Variants in KCNA2 observed in about 807,000 individuals in gnomAD.
The protein encoded by KCNA2 is potassium channel, voltage gated shaker related subfamily A, member 2.
KCNA2 carries 11 observed loss-of-function variants against 33.4 expected under a neutral mutation model. The ratio of observed to expected loss-of-function variants is 0.33; its 90% CI spans 0.21 to 0.55. The LOEUF (loss-of-function observed/expected upper bound fraction) is 0.55. Among genes scored for constraint, KCNA2 ranks in the 20% least tolerant of loss-of-function variants. KCNA2 has a pLI of 0.93. For synonymous variants in KCNA2, 222 were observed against 231.3 expected (o/e 0.96, Z 0.37); for missense variants, 291 against 621.6 (o/e 0.47, Z 5.66).
At chr1:110,615,069 T>C (rs1232607422) in intron 1 of KCNA2, among the ~76,000 whole-genome samples, 2 of 152,328 alleles carry the variant, frequency 1.3e-5, no homozygotes, top group East Asian at 3.9e-4. Context: ...ACACAGGGAA[T>C]CTTTGACTCT....
At position 110,602,080 on chromosome 1, in the gene KCNA2, C is replaced by T. The variant is rs958979840; in HGVS notation, c.*1203G>A. The T allele has an allele frequency of 9.7e-6, 15 of 1,550,502 alleles. No homozygotes were observed. Among genetic ancestry groups the T allele is most frequent in the Middle Eastern group, 1.7e-4 (1 of 5,988 alleles). On this transcript the variant is annotated 3_prime_UTR_variant, in exon 3 of 3. Transcript: ENST00000316361. ...CTGGTCCACTGTACAGTCATGCCCGCGACTAGGTTAATTCCTAAGGTGCAG... is the reference window on the plus strand; with the variant it reads ...CTGGTCCACTGTACAGTCATGCCCGTGACTAGGTTAATTCCTAAGGTGCAG...
chr1:110,603,894 G>T lies in KCNA2; in HGVS notation c.889C>A (p.Arg297=). ...AMSLAILRVI[R]LVRVFRIFKL... ...AAAATCCTAAAGACTCTTACCAACC[G>T]GATGACACGGAGGATGGCCAGTGAC... Residue 297 remains arginine, a synonymous_variant, in exon 3 of 3, where the codon CGG becomes AGG. Coordinates refer to ENST00000316361, the MANE Select transcript of KCNA2 (RefSeq NM_004974.4). The surrounding 1 kb of genome is among the most constrained non-coding windows in gnomAD (Gnocchi z 5.7). The T allele has an allele frequency of 1.2e-6, 2 of 1,614,200 alleles. No individual in the cohort carries two copies. The highest frequency in any genetic ancestry group is 1.7e-6 in the Non-Finnish European group (2 of 1,180,046).
intron 1 of KCNA2, among the ~76,000 whole-genome samples, chr1:110,631,034 G>A (rs1650544427): frequency 6.6e-6 from 1 of 152,188 alleles, no homozygotes; most frequent in African/African-American, 2.4e-5. Context: ...CTGTTTGGGA[G>A]TTACACTTAA....
Position 110,602,529 on chromosome 1 carries a change from C to A in KCNA2, c.*754G>T. The A allele has an allele frequency of 9.3e-7, 1 of 1,080,172 alleles. No homozygotes were observed. The highest frequency in any genetic ancestry group is 1.1e-6 in the Non-Finnish European group (1 of 890,144). The allele number at this position is 1,080,172 out of a possible 1,614,324, so 66.9% of individuals were successfully genotyped here. ...CAGACATGTTTTTGTGACCCTGGAG[C>A]CTGCAAAAATGGTGAAATCAGAGGC... On this transcript the variant is annotated 3_prime_UTR_variant, in exon 3 of 3. Transcript: ENST00000316361.
chr1:110,616,925 C>T (rs1177437272), intron 1 of KCNA2, among the ~76,000 whole-genome samples: 1 of 152,206 alleles, frequency 6.6e-6, no homozygotes, highest in Non-Finnish European at 1.5e-5. Flanking sequence ...AATGAATTGG[C>T]TTAAATTGAA....
At chr1:110,627,073 T>TCA (rs1238833583) in intron 1 of KCNA2, among the ~76,000 whole-genome samples, 5 of 152,184 alleles carry the variant, frequency 3.3e-5, no homozygotes, top group Admixed American at 1.3e-4. Flanking sequence ...TGTCTCTGTT[T>TCA]CACACACACA....
chr1:110,609,238 A>G (rs971872137), upstream of KCNA2, among the ~76,000 whole-genome samples: 1 of 152,222 alleles, frequency 6.6e-6, no homozygotes, highest in Non-Finnish European at 1.5e-5. Context: ...CCATCTGATC[A>G]TATGTATACA....
intron 1 of KCNA2, among the ~76,000 whole-genome samples, chr1:110,617,591 A>G (rs918324134): frequency 6.6e-6 from 1 of 152,204 alleles, no homozygotes; most frequent in African/African-American, 2.4e-5. Context: ...TTCCCCTCAG[A>G]GATGTCAAGG....
At position 110,603,273 on chromosome 1, in the gene KCNA2, T is replaced by C. The variant is rs375690274; in HGVS notation, c.*10A>G. On this transcript the variant is annotated 3_prime_UTR_variant, in exon 3 of 3. Transcript: ENST00000316361. This position sits in a 1 kb window ranked among gnomAD's most constrained non-coding sequence, Gnocchi z 5.7. ...TTCCATTGAGCTGTGAGTACGGTAA[T>C]AGGTTTCAATCAGACATCAGTTAAC... The C allele has an allele frequency of 3.8e-5, 61 of 1,591,320 alleles. No individual in the cohort carries two copies. In the Middle Eastern group the frequency reaches 8.4e-4, roughly 22 times the overall value.
At position 110,602,522 on chromosome 1, in the gene KCNA2, C is replaced by A. The variant is rs1649404747; in HGVS notation, c.*761G>T. ...AAGAAACCAGACATGTTTTTGTGAC[C>A]CTGGAGCCTGCAAAAATGGTGAAAT... On this transcript the variant is annotated 3_prime_UTR_variant, in exon 3 of 3. Transcript: ENST00000316361. 1 of 1,090,364 alleles carries A rather than the reference C, an allele frequency of 9.2e-7. No homozygotes were observed. The highest frequency in any genetic ancestry group is 1.1e-6 in the Non-Finnish European group (1 of 896,586). The allele number at this position is 1,090,364 out of a possible 1,614,324, so 67.5% of individuals were successfully genotyped here. A position where few individuals can be genotyped will look rare whatever the true frequency, so the allele number is the denominator to read the frequency against.
chr1:110,629,103 G>C (rs1244003762), intron 1 of KCNA2, among the ~76,000 whole-genome samples: 1 of 152,146 alleles, frequency 6.6e-6, no homozygotes, highest in African/African-American at 2.4e-5. Context: ...CTGCATATTA[G>C]AATTGCCTGG....
At position 110,595,693 on chromosome 1, in the gene KCNA2, G is replaced by A. The variant is rs1284049006; in HGVS notation, c.*7590C>T. 3.0e-6 allele frequency: 3 copies of A among 985,368 alleles called. No homozygotes were observed. The highest frequency in any genetic ancestry group is 3.6e-6 in the Non-Finnish European group (3 of 829,920). 61.0% of individuals were successfully genotyped at this position (985,368 alleles called of 1,614,324 possible). A position where few individuals can be genotyped will look rare whatever the true frequency, so the allele number is the denominator to read the frequency against. ...GATGTGTACAGCTTACCCCCAAAGA[G>A]GCAACTGAATTTCAGCTGCTCTAAT... On this transcript the variant is annotated 3_prime_UTR_variant, in exon 3 of 3. Transcript: ENST00000316361.
chr1:110,609,726 A>G (rs868511961), upstream of KCNA2, among the ~76,000 whole-genome samples: 3 of 152,134 alleles, frequency 2.0e-5, no homozygotes, highest in South Asian at 2.1e-4. Context: ...AAGAAGGGGG[A>G]AAAAAAAGAA....
chr1:110,601,810 G>A lies in KCNA2; in HGVS notation c.*1473C>T, dbSNP rs1649362793. 13 of 1,283,244 alleles carry A rather than the reference G, an allele frequency of 1.0e-5. No individual in the cohort carries two copies. The South Asian group carries it at 2.8e-4, about 27-fold the overall frequency. 79.5% of individuals were successfully genotyped at this position (1,283,244 alleles called of 1,614,324 possible). The stretch of plus-strand genomic sequence containing the variant: ...TATATATATATGTGTGTGTGTGTGT[G>A]TGTGTGTGTGTGTGTGTGTATACAT... On this transcript the variant is annotated 3_prime_UTR_variant, in exon 3 of 3. Coordinates refer to ENST00000316361, the MANE Select transcript of KCNA2 (RefSeq NM_004974.4).
rs1445835017 is a variant in KCNA2, at chr1:110,603,345, C to A, written c.1438G>T (p.Ala480Ser). The A allele has an allele frequency of 6.2e-7, 1 of 1,613,610 alleles. No individual in the cohort carries two copies. Among genetic ancestry groups the A allele is most frequent in the East Asian group, 2.2e-5 (1 of 44,898 alleles). The change falls in exon 3 of 3, where the codon GCC (alanine) becomes TCC (serine). Residue 480 changes from alanine (A) to serine (S), a missense_variant. Around this residue, in one of 5 missense-constraint regions of KCNA2, gnomAD observed 65 missense variants for 95.1 expected, o/e 0.68. Transcript: ENST00000316361. The surrounding 1 kb of genome is among the most constrained non-coding windows in gnomAD (Gnocchi z 5.7). ...TTTGTGTTAGCCAAGGTACAGTTGGCTGTTTTCAAGTTTTCCTCTCTAAAG... is the reference window on the plus strand; with the variant it reads ...TTTGTGTTAGCCAAGGTACAGTTGGATGTTTTCAAGTTTTCCTCTCTAAAG... ...EDFREENLKT[A>S]NCTLANTNYV...
chr1:110,630,633 G>A (rs968770872), intron 1 of KCNA2, among the ~76,000 whole-genome samples: 3 of 152,300 alleles, frequency 2.0e-5, no homozygotes, highest in South Asian at 4.1e-4. Flanking sequence ...AGCACTGGGC[G>A]CATGGTAGGC....
At position 110,601,199 on chromosome 1, in the gene KCNA2, T is replaced by C. The variant is rs1208243591; in HGVS notation, c.*2084A>G. 1 of 985,228 alleles carries C rather than the reference T, an allele frequency of 1.0e-6. No individual in the cohort carries two copies. Among genetic ancestry groups the C allele is most frequent in the African/African-American group, 1.7e-5 (1 of 57,196 alleles). 61.0% of individuals were successfully genotyped at this position (985,228 alleles called of 1,614,324 possible). A position where few individuals can be genotyped will look rare whatever the true frequency, so the allele number is the denominator to read the frequency against. Reference sequence around the variant, plus strand: ...GTTGCCAGTTTAATGGGGAGAGAGTTTGGGTCTGGAGATCAAAATGATGCC... The same window carrying C: ...GTTGCCAGTTTAATGGGGAGAGAGTCTGGGTCTGGAGATCAAAATGATGCC... On this transcript the variant is annotated 3_prime_UTR_variant, in exon 3 of 3. Coordinates refer to ENST00000316361, the MANE Select transcript of KCNA2 (RefSeq NM_004974.4).
chr1:110,614,242 C>T (rs1024071413), intron 1 of KCNA2, among the ~76,000 whole-genome samples: 8 of 152,216 alleles, frequency 5.3e-5, no homozygotes, highest in Non-Finnish European at 1.0e-4. Flanking sequence ...AGGTCTTGCA[C>T]TACCCTGGCC....
At position 110,604,945 on chromosome 1, in the gene KCNA2, G is replaced by T; in HGVS notation, c.-163C>A. 1.5e-6 allele frequency: 1 copy of T among 669,070 alleles called. No homozygotes were observed. The highest frequency in any genetic ancestry group is 2.6e-6 in the Non-Finnish European group (1 of 391,282). 41.4% of individuals were successfully genotyped at this position (669,070 alleles called of 1,614,324 possible). ...AGAGCTGGAGAGACAGCCTCGCTTGGCTGAAAGACAGAGGCAGTTATTGAC... is the reference window on the plus strand; with the variant it reads ...AGAGCTGGAGAGACAGCCTCGCTTGTCTGAAAGACAGAGGCAGTTATTGAC... On this transcript the variant is annotated splice_region_variant and 5_prime_UTR_variant, in exon 3 of 3. Transcript: ENST00000316361. The surrounding 1 kb of genome is among the most constrained non-coding windows in gnomAD (Gnocchi z 7.6).
Sources: gnomAD v4.1 joint callset for allele counts (sites outside exome capture counted in the v4.1 genomes callset) on GRCh38, gnomAD v4.1.1 for gene constraint, gnomAD v4.1.1 regional missense constraint, Gnocchi (gnomAD v3.1) non-coding constraint, MANE v1.5 for transcripts, NCBI Gene and HGNC (gene_info 2026-07-23, HGNC 2026-07-21) for gene names.